The following DBF4 variants were observed in gnomAD, a reference collection of about 807,000 sequenced individuals.
DBF4 encodes DBF4-CDC7 kinase regulatory subunit, also known as protein DBF4 homolog A.
Under a neutral mutation model 76.6 loss-of-function variants are expected in DBF4, and 25 were observed. The ratio of observed to expected loss-of-function variants is 0.33; its 90% CI spans 0.24 to 0.46. The LOEUF is 0.46. DBF4 is among the 20% of genes least tolerant of loss of function. The pLI is 1.00. For missense variants in DBF4, 638 were observed against 760.8 expected, an observed-to-expected ratio of 0.84 and a Z score of 1.90; for synonymous variants, 213 against 258.0, an observed-to-expected ratio of 0.83 and a Z score of 1.67.
rs1161794751 is a variant in DBF4, at chr7:87,909,117, A to T, written c.*954A>T. 6.6e-6 allele frequency: 1 copy of T among 152,134 alleles called. No individual in the cohort carries two copies. The highest frequency in any genetic ancestry group is 2.4e-5 in the African/African-American group (1 of 41,410). 9.4% of individuals were successfully genotyped at this position (152,134 alleles called of 1,614,324 possible). ...ACTCTACCCCCTAATTTGGTAGGAGATGAAGGAGAAAAGGATGGCATTGAA... is the reference window on the plus strand; with the variant it reads ...ACTCTACCCCCTAATTTGGTAGGAGTTGAAGGAGAAAAGGATGGCATTGAA... On this transcript the variant is annotated 3_prime_UTR_variant, in exon 12 of 12. Transcript: ENST00000265728.
chr7:87,886,874 G>GA lies in DBF4; in HGVS notation c.435dup (p.Ala146SerfsTer6). ...TTTAAGCAGAGGAAAATTATTAGTT[G>GA]AAAAAGCTATCAAGGACCATGTAAG... On this transcript the variant is annotated frameshift_variant, in exon 4 of 12. Transcript: ENST00000265728. LOFTEE classifies it high-confidence loss of function. 1 of 1,573,428 alleles carries GA rather than the reference G, an allele frequency of 6.4e-7. No individual in the cohort carries two copies. The highest frequency in any genetic ancestry group is 8.7e-7 in the Non-Finnish European group (1 of 1,150,992).
At chr7:87,902,620 G>A (rs1839814964) in intron 10 of DBF4, among the ~76,000 whole-genome samples, 1 of 152,148 alleles carries the variant, frequency 6.6e-6, no homozygotes, top group Admixed American at 6.6e-5. Context: ...GACTTATAAG[G>A]ATGAGTAAGA....
intron 10 of DBF4, among the ~76,000 whole-genome samples, chr7:87,903,954 C>G (rs746123491): frequency 6.6e-6 from 1 of 152,240 alleles, no homozygotes; most frequent in South Asian, 2.1e-4. Context: ...CCTCGGCCTC[C>G]CAGAGTGCTG....
chr7:87,891,188 T>C (rs1246199087), intron 6 of DBF4, among the ~76,000 whole-genome samples: 4 of 150,520 alleles, frequency 2.7e-5, no homozygotes, highest in Non-Finnish European at 5.9e-5. Flanking sequence ...TTTTTTTTTT[T>C]CCAGTTTACT....
intron 1 of DBF4, among the ~76,000 whole-genome samples, chr7:87,877,852 T>C (rs1250750029): frequency 1.3e-5 from 2 of 152,248 alleles, no homozygotes; most frequent in African/African-American, 2.4e-5. Flanking sequence ...TCAACTATTA[T>C]TTTACAATAT....
At position 87,885,700 on chromosome 7, in the gene DBF4, T is replaced by A. The variant is rs141445433; in HGVS notation, c.399+542T>A. 9.9e-3 allele frequency among the ~76,000 whole-genome samples: 1,509 copies of A among 152,352 alleles called. 22 individuals carry two copies. The highest frequency in any genetic ancestry group is 0.034 in the African/African-American group (1,397 of 41,572). ...TGTTTGTTTAGGTATAATCTGTAGT[T>A]GTTGTGTTTTAGGCAGAATTGAATA... is the stretch of plus-strand genomic sequence containing the variant. On this transcript the variant is annotated intron_variant, in intron 3 of 11. Transcript: ENST00000265728.
chr7:87,877,093 C>G (rs1380408008), intron 1 of DBF4, among the ~76,000 whole-genome samples: 3 of 152,214 alleles, frequency 2.0e-5, no homozygotes, highest in African/African-American at 4.8e-5. Context: ...CTCCCGGGCT[C>G]TCGCATATGC....
At chr7:87,906,162 A>C (rs1178310616) in intron 11 of DBF4, among the ~76,000 whole-genome samples, 1 of 150,842 alleles carries the variant, frequency 6.6e-6, no homozygotes, top group Non-Finnish European at 1.5e-5. Context: ...TCTCAAAAAA[A>C]AACAAAAAAC....
Position 87,907,484 on chromosome 7 carries a change from C to T in DBF4, c.1346C>T (p.Thr449Ile), listed in dbSNP as rs1246192097. The change falls in exon 12 of 12, where the codon ACA becomes ATA. Residue 449 changes from threonine (T) to isoleucine (I), a missense_variant. Physicochemically the swap from Thr to Ile is moderately conservative, Grantham distance 89. Coordinates refer to ENST00000265728, the MANE Select transcript of DBF4 (RefSeq NM_006716.4). ...GAAGATGACATAAGACAGAATTTTACACAGCTACCTCTACATAAAAACAAA... is the reference window on the plus strand; with the variant it reads ...GAAGATGACATAAGACAGAATTTTATACAGCTACCTCTACATAAAAACAAA... ...TAEDDIRQNFTQLPLHKNKQE... is the reference protein window; with the variant it reads ...TAEDDIRQNFIQLPLHKNKQE... The T allele has an allele frequency of 6.2e-7, 1 of 1,613,904 alleles. No individual in the cohort carries two copies. Among genetic ancestry groups the T allele is most frequent in the Admixed American group, 1.7e-5 (1 of 59,990 alleles).
intron 2 of DBF4, among the ~76,000 whole-genome samples, chr7:87,881,263 C>T (rs1421282968): frequency 6.6e-6 from 1 of 152,142 alleles, no homozygotes; most frequent in Non-Finnish European, 1.5e-5. Context: ...AAAAATTTAG[C>T]TGGGCATGGT....
At chr7:87,892,552 G>C (rs1839520124) in intron 6 of DBF4, among the ~76,000 whole-genome samples, 3 of 152,190 alleles carry the variant, frequency 2.0e-5, no homozygotes, top group Admixed American at 1.3e-4. Context: ...ATATCCACGT[G>C]CAGGGTTTTT....
In DBF4 at chr7:87,896,497, A is replaced by C; in HGVS notation, c.621A>C (p.Ala207=). ...AGGGCAAAAGAGTTGGTAGTGGTGC[A>C]CAAAAAACAAGAAGTAAGTATTTTG... ...RDGGKRVGSG[A]QKTRTGRLKK... Residue 207 remains alanine (A), a synonymous_variant, in exon 7 of 12, where the codon GCA becomes GCC. Transcript: ENST00000265728. 6.2e-7 allele frequency: 1 copy of C among 1,611,968 alleles called. No homozygotes were observed. Among genetic ancestry groups the C allele is most frequent in the Non-Finnish European group, 8.5e-7 (1 of 1,179,222 alleles).
At chr7:87,898,390 C>T (rs1485436183) in intron 8 of DBF4, among the ~76,000 whole-genome samples, 1 of 152,166 alleles carries the variant, frequency 6.6e-6, no homozygotes, top group African/African-American at 2.4e-5. Context: ...AGATTCACTG[C>T]AATCCCTATC....
At chr7:87,901,026 A>T (rs59797284) in intron 10 of DBF4, 148 bp downstream of exon 10, 103,701 of 660,286 alleles carry the variant, frequency 0.16, 8,791 homozygotes, top group Admixed American at 0.23. Context: ...TTATTCAGCA[A>T]ATACTGAGCG....
intron 2 of DBF4, among the ~76,000 whole-genome samples, chr7:87,878,779 C>T (rs1216071160): frequency 6.6e-6 from 1 of 152,056 alleles, no homozygotes; most frequent in Admixed American, 6.5e-5. Flanking sequence ...AATTCTAGGA[C>T]CTTAATAGGA....
intron 2 of DBF4, among the ~76,000 whole-genome samples, chr7:87,879,175 C>G (rs1839147509): frequency 6.6e-6 from 1 of 152,156 alleles, no homozygotes; most frequent in Non-Finnish European, 1.5e-5. Flanking sequence ...TCTCAAACTT[C>G]TAACCTCAGG....
chr7:87,900,644 C>T lies in DBF4; in HGVS notation c.810-120C>T. 3 of 805,352 alleles carry T rather than the reference C, an allele frequency of 3.7e-6. No homozygotes were observed. In the South Asian group the frequency reaches 5.6e-5, roughly 15 times the overall value. 49.9% of individuals were successfully genotyped at this position (805,352 alleles called of 1,614,324 possible). A position where few individuals can be genotyped will look rare whatever the true frequency, so the allele number is the denominator to read the frequency against. On this transcript the variant is annotated intron_variant, in intron 9 of 11. Coordinates refer to ENST00000265728, the MANE Select transcript of DBF4 (RefSeq NM_006716.4). ...GTATAAAGAAATATGATTAAAAGTA[C>T]TTGCTGATACAAGTCTCTGCAAATT...
In DBF4 at chr7:87,888,216, T is replaced by C. The variant is rs1484673721; in HGVS notation, c.597+157T>C. 1.1e-5 allele frequency: 10 copies of C among 944,402 alleles called. No individual in the cohort carries two copies. The East Asian group carries it at 5.8e-4, about 55-fold the overall frequency. The allele number at this position is 944,402 out of a possible 1,614,324, so 58.5% of individuals were successfully genotyped here. Reference sequence around the variant, plus strand: ...AAATAAATCGAGTGTCATTTAACTTTAGGGTTGTACTCACCAGGTAAAAGT... The same window carrying C: ...AAATAAATCGAGTGTCATTTAACTTCAGGGTTGTACTCACCAGGTAAAAGT... On this transcript the variant is annotated intron_variant, in intron 6 of 11. Coordinates refer to ENST00000265728, the MANE Select transcript of DBF4 (RefSeq NM_006716.4).
In DBF4 at chr7:87,878,100, C is replaced by G; in HGVS notation, c.94C>G (p.Leu32Val). 1 of 1,611,414 alleles carries G rather than the reference C, an allele frequency of 6.2e-7. No individual in the cohort carries two copies. The highest frequency in any genetic ancestry group is 8.5e-7 in the Non-Finnish European group (1 of 1,179,498). ...AAAAAACAGACCATCTCTGAAATCT[C>G]TGAAAACTGATAACAGGCCAGAAAA... ...NEKNRPSLKS[L>V]KTDNRPEKSK... The change falls in exon 2 of 12, where the codon CTG (leucine) becomes GTG (valine). Residue 32 changes from leucine to valine, a missense_variant. By Grantham distance (32) the Leu-to-Val change is conservative. Transcript: ENST00000265728.
Sources: allele counts gnomAD v4.1 joint callset (sites outside exome capture counted in the v4.1 genomes callset), GRCh38; gene constraint gnomAD v4.1.1; transcripts MANE v1.5; gene names NCBI Gene and HGNC (gene_info 2026-07-23, HGNC 2026-07-21).